The following TENM3 variants were observed in gnomAD, a reference collection of about 807,000 sequenced individuals.
The protein encoded by TENM3 is teneurin transmembrane protein 3.
TENM3 carries 63 observed loss-of-function variants against 255.1 expected under a neutral mutation model. The observed-to-expected ratio is 0.25, with a 90% CI of 0.20 to 0.30. The LOEUF is 0.30. Ranked by LOEUF, TENM3 falls within the 10% of genes least tolerant of loss-of-function variation. The pLI is 1.00. For missense variants in TENM3, 2,929 were observed against 3,461.1 expected (o/e 0.85, Z 3.86); for synonymous variants, 1,306 against 1,322.3 (o/e 0.99, Z 0.27).
chr4:182,249,505 C>G (rs1281715903), intron 1 of TENM3, among the ~76,000 whole-genome samples: 1 of 152,208 alleles, frequency 6.6e-6, no homozygotes, highest in Non-Finnish European at 1.5e-5. Context: ...CAGGAAAACA[C>G]AATGGTGGAC....
intron 3 of TENM3, among the ~76,000 whole-genome samples, chr4:182,536,075 G>A (rs924267632): frequency 1.4e-4 from 22 of 152,114 alleles, no homozygotes; most frequent in African/African-American, 3.6e-4. Flanking sequence ...TAAATGCCAC[G>A]AACAAATATG....
chr4:181,911,627 CAG>C, the TENM3 span, among the ~76,000 whole-genome samples: 1 of 152,150 alleles, frequency 6.6e-6, no homozygotes, highest in African/African-American at 2.4e-5. Flanking sequence ...ACAGCTGAGT[CAG>C]TGCAGTTATC....
chr4:182,364,557 C>T (rs1435124998), intron 3 of TENM3, among the ~76,000 whole-genome samples: 16 of 152,166 alleles, frequency 1.1e-4, no homozygotes, highest in African/African-American at 3.6e-4. Context: ...GCTGGGACTA[C>T]GGGCGCCCAC....
chr4:181,730,977 A>C, the TENM3 span, among the ~76,000 whole-genome samples: 1 of 152,222 alleles, frequency 6.6e-6, no homozygotes, highest in Non-Finnish European at 1.5e-5. Flanking sequence ...TAAAGATTAT[A>C]AGAATCCTGT....
At chr4:182,756,219 G>C (rs1170402443) in intron 22 of TENM3, among the ~76,000 whole-genome samples, 1 of 152,212 alleles carries the variant, frequency 6.6e-6, no homozygotes, top group Non-Finnish European at 1.5e-5. Context: ...AAGCTACACT[G>C]TGCCTCAAAG....
intron 1 of TENM3, among the ~76,000 whole-genome samples, chr4:182,247,490 C>A (rs902775167): frequency 6.6e-6 from 1 of 152,168 alleles, no homozygotes; most frequent in Non-Finnish European, 1.5e-5. Context: ...CCTCATCCAT[C>A]CAAAAATGGA....
the TENM3 span, among the ~76,000 whole-genome samples, chr4:181,779,511 G>A: frequency 6.4e-3 from 963 of 151,398 alleles, 3 homozygotes; most frequent in Non-Finnish European, 0.011. Flanking sequence ...ATCAATTCTG[G>A]TTCTTAGCAT....
the TENM3 span, among the ~76,000 whole-genome samples, chr4:181,877,481 T>C: frequency 6.6e-6 from 1 of 152,186 alleles, no homozygotes; most frequent in Non-Finnish European, 1.5e-5. Flanking sequence ...TTAGTTTTTT[T>C]ATATTTAGTT....
chr4:182,100,628 C>CATATATACACAT, the TENM3 span, among the ~76,000 whole-genome samples: 107 of 36,840 alleles, frequency 2.9e-3, 3 homozygotes, highest in East Asian at 8.8e-3. Context: ...TATACACACA[C>CATATATACACAT]ATATATACAC....
chr4:181,767,503 G>T, the TENM3 span, among the ~76,000 whole-genome samples: 1 of 152,044 alleles, frequency 6.6e-6, no homozygotes, highest in Non-Finnish European at 1.5e-5. Flanking sequence ...AATTTCCGTT[G>T]AATGGATCAT....
chr4:181,888,516 G>GTATATATA, the TENM3 span, among the ~76,000 whole-genome samples: 5 of 41,516 alleles, frequency 1.2e-4, no homozygotes, highest in Non-Finnish European at 1.8e-4. Context: ...ATATATATAT[G>GTATATATA]TATATATATA....
chr4:181,664,934 A>G, the TENM3 span, among the ~76,000 whole-genome samples: 49 of 152,306 alleles, frequency 3.2e-4, no homozygotes, highest in African/African-American at 1.2e-3. Context: ...TTTTTTAAAA[A>G]GCGAGATCAC....
At chr4:182,469,662 A>G (rs13142889) in intron 3 of TENM3, among the ~76,000 whole-genome samples, 86,154 of 150,872 alleles carry the variant, frequency 0.57, 24,918 homozygotes, top group East Asian at 0.78. Flanking sequence ...TGCAGTGAGC[A>G]GAGATCATGC....
chr4:181,806,021 G>T, the TENM3 span, among the ~76,000 whole-genome samples: 1 of 152,032 alleles, frequency 6.6e-6, no homozygotes, highest in Admixed American at 6.5e-5. Flanking sequence ...TTACAAACCT[G>T]CAGTATCATT....
chr4:181,910,823 G>T, the TENM3 span, among the ~76,000 whole-genome samples: 1 of 151,848 alleles, frequency 6.6e-6, no homozygotes, highest in South Asian at 2.1e-4. Context: ...TTCCTTATAA[G>T]CTATGCAAAA....
chr4:182,105,002 A>G, the TENM3 span, among the ~76,000 whole-genome samples: 16 of 152,112 alleles, frequency 1.1e-4, no homozygotes, highest in African/African-American at 3.9e-4. Flanking sequence ...ACTTGAGCCC[A>G]GTAGTTTGAG....
intron 1 of TENM3, among the ~76,000 whole-genome samples, chr4:182,150,916 G>A (rs1392862242): frequency 3.3e-5 from 5 of 152,086 alleles, no homozygotes; most frequent in South Asian, 4.1e-4. Context: ...AGAGGGTGAC[G>A]TGGATTTGTG....
chr4:181,823,076 C>G, the TENM3 span, among the ~76,000 whole-genome samples: 139 of 152,214 alleles, frequency 9.1e-4, no homozygotes, highest in African/African-American at 3.1e-3. Context: ...TTGTTTCTTG[C>G]AGGTGATATT....
At chr4:182,742,856 G>C (rs967814554) in intron 18 of TENM3, among the ~76,000 whole-genome samples, 13 of 152,192 alleles carry the variant, frequency 8.5e-5, no homozygotes, top group Non-Finnish European at 1.6e-4. Context: ...GGCCATTCCA[G>C]TGTATAGCCA....
Sources: allele counts gnomAD v4.1 joint callset (sites outside exome capture counted in the v4.1 genomes callset), GRCh38; gene constraint gnomAD v4.1.1; transcripts MANE v1.5; gene names NCBI Gene and HGNC (gene_info 2026-07-23, HGNC 2026-07-21).